ADK: variants seen among roughly 807,000 people sequenced by gnomAD.
The protein encoded by ADK is N6,N6-dimethyladenosine kinase.
In ADK, 24 loss-of-function variants were observed where a neutral mutation model predicts 44.7. The ratio of observed to expected loss-of-function variants is 0.54; its 90% CI spans 0.39 to 0.76. The LOEUF (loss-of-function observed/expected upper bound fraction) is 0.76. Among genes scored for constraint, ADK ranks in the 30% least tolerant of loss-of-function variants. The pLI is 0.00. For synonymous variants in ADK, 128 were observed against 142.6 expected (o/e 0.90, Z 0.73); for missense variants, 321 against 425.1 (o/e 0.76, Z 2.15).
chr10:74,694,188 A>ATTTTTTTTTTTTTT (rs1856093057), intron 10 of ADK, among the ~76,000 whole-genome samples: 1 of 107,790 alleles, frequency 9.3e-6, no homozygotes, highest in African/African-American at 3.3e-5. Flanking sequence ...TTGACTAAAC[A>ATTTTTTTTTTTTTT]TGTTTCTAAA....
chr10:74,183,203 G>A (rs1842626496), intron 1 of ADK, among the ~76,000 whole-genome samples: 1 of 152,158 alleles, frequency 6.6e-6, no homozygotes, highest in African/African-American at 2.4e-5. Context: ...ACAAAGTGCT[G>A]GGCCTCCCAA....
chr10:74,356,002 A>ATATTG (rs57958159), intron 4 of ADK, among the ~76,000 whole-genome samples: 1,212 of 83,366 alleles, frequency 0.015, 142 homozygotes, highest in African/African-American at 0.053. Context: ...TAAATAATTC[A>ATATTG]TTTTTTTTTT....
At chr10:74,310,134 G>A (rs1162462544) in intron 3 of ADK, among the ~76,000 whole-genome samples, 1 of 152,040 alleles carries the variant, frequency 6.6e-6, no homozygotes, top group Non-Finnish European at 1.5e-5. Context: ...TGATTGAGGT[G>A]TTTATATGGC....
rs1841516996 is a variant in ADK at position 74,339,491 on chromosome 10, A to T, written c.273+24746A>T. ...TCCTTCACTTTACCAATTTGTGCCC[A>T]TTTCACGTATCTCAGCCTATATCCC... On this transcript the variant is annotated intron_variant, in intron 4 of 10. Coordinates refer to ENST00000539909, the MANE Select transcript of ADK (RefSeq NM_006721.4). Among the ~76,000 whole-genome samples, 3 of 152,146 alleles carry T rather than the reference A, an allele frequency of 2.0e-5. No homozygotes were observed. In the South Asian group the frequency reaches 6.2e-4, roughly 31 times the overall value.
chr10:74,472,931 C>T (rs1475589652), intron 6 of ADK, among the ~76,000 whole-genome samples: 3 of 152,056 alleles, frequency 2.0e-5, no homozygotes, highest in Non-Finnish European at 4.4e-5. Context: ...ATTGATATCT[C>T]ATTGTGGCTA....
intron 8 of ADK, among the ~76,000 whole-genome samples, chr10:74,596,772 C>T (rs1427522152): frequency 1.3e-5 from 2 of 152,148 alleles, no homozygotes; most frequent in African/African-American, 4.8e-5. Flanking sequence ...GTCTCAAACT[C>T]CTAGGCTCAA....
chr10:74,445,347 A>G (rs569726780), intron 6 of ADK, among the ~76,000 whole-genome samples: 1 of 152,092 alleles, frequency 6.6e-6, no homozygotes, highest in Non-Finnish European at 1.5e-5. Flanking sequence ...CTTATTATTC[A>G]TTCCTCAAAT....
At position 74,525,243 on chromosome 10, in the gene ADK, T is replaced by G; in HGVS notation, c.556-13T>G. 1 of 1,613,388 alleles carries G rather than the reference T, an allele frequency of 6.2e-7. No individual in the cohort carries two copies. Among genetic ancestry groups the G allele is most frequent in the East Asian group, 2.2e-5 (1 of 44,792 alleles). On this transcript the variant is annotated splice_polypyrimidine_tract_variant and intron_variant, in intron 6 of 10. Coordinates refer to ENST00000539909, the MANE Select transcript of ADK (RefSeq NM_006721.4). ...TGGTATTTCTAATTTTCCCTCCTTT[T>G]TTCTTCATCCAGGGCTTTTTTCTTA...
chr10:74,289,826 A>G (rs1847336230), intron 3 of ADK, among the ~76,000 whole-genome samples: 1 of 107,862 alleles, frequency 9.3e-6, no homozygotes, highest in African/African-American at 3.0e-5. Flanking sequence ...TTTCTTTTTT[A>G]GTGGGCCAAA....
intron 6 of ADK, among the ~76,000 whole-genome samples, chr10:74,435,753 T>G (rs1419371606): frequency 1.3e-5 from 2 of 152,058 alleles, no homozygotes; most frequent in Non-Finnish European, 2.9e-5. Flanking sequence ...CAGAAGGTAA[T>G]GAGATAACAT....
chr10:74,410,681 A>AAAAC (rs574905509), intron 6 of ADK, among the ~76,000 whole-genome samples: 449 of 152,276 alleles, frequency 2.9e-3, no homozygotes, highest in African/African-American at 5.2e-3. Flanking sequence ...ACTCTGTCTG[A>AAAAC]AAACAAACAA....
rs553173647 is a variant in ADK, at chr10:74,168,463, C to T, written c.65+17120C>T. Among the ~76,000 whole-genome samples, 8 of 147,280 alleles carry T rather than the reference C, an allele frequency of 5.4e-5. 1 individual carries two copies. The highest frequency in any genetic ancestry group is 2.1e-4 in the South Asian group (1 of 4,660). ...CTGAGGCAGGAGAATGGCATGAACCCGGGAGGCGGAGCTTGCAGTGAGCCG... is the reference window on the plus strand; with the variant it reads ...CTGAGGCAGGAGAATGGCATGAACCTGGGAGGCGGAGCTTGCAGTGAGCCG... On this transcript the variant is annotated intron_variant, in intron 1 of 10. Coordinates refer to ENST00000539909, the MANE Select transcript of ADK (RefSeq NM_006721.4).
intron 7 of ADK, among the ~76,000 whole-genome samples, chr10:74,585,453 G>A (rs1564805720): frequency 6.6e-6 from 1 of 152,150 alleles, no homozygotes; most frequent in Non-Finnish European, 1.5e-5. Flanking sequence ...GAGTAATAGT[G>A]AAAGTTATCA....
chr10:74,417,756 A>C (rs1844422565), intron 6 of ADK, among the ~76,000 whole-genome samples: 1 of 152,026 alleles, frequency 6.6e-6, no homozygotes, highest in Admixed American at 6.6e-5. Context: ...ACTTTAAAAA[A>C]AAAAAAAGCA....
chr10:74,618,158 T>A (rs1852848007), intron 9 of ADK, among the ~76,000 whole-genome samples: 1 of 151,950 alleles, frequency 6.6e-6, no homozygotes, highest in African/African-American at 2.4e-5. Flanking sequence ...TTAATCAGCC[T>A]GTTTATATTT....
chr10:74,172,918 A>C (rs1842208977), intron 1 of ADK, among the ~76,000 whole-genome samples: 1 of 151,810 alleles, frequency 6.6e-6, no homozygotes, highest in East Asian at 1.9e-4. Context: ...AAAAAAAAAA[A>C]AACGGTTAGA....
chr10:74,234,534 A>G (rs1844890773), intron 3 of ADK, among the ~76,000 whole-genome samples: 1 of 152,198 alleles, frequency 6.6e-6, no homozygotes, highest in African/African-American at 2.4e-5. Flanking sequence ...AAAAGTATTT[A>G]AAGGTATTTT....
chr10:74,311,184 A>G (rs185366729), intron 3 of ADK, among the ~76,000 whole-genome samples: 49 of 152,316 alleles, frequency 3.2e-4, no homozygotes, highest in African/African-American at 1.1e-3. Context: ...TTGTTTACAC[A>G]AAAAGATTAC....
intron 10 of ADK, among the ~76,000 whole-genome samples, chr10:74,702,945 G>GA (rs1856486497): frequency 6.6e-6 from 1 of 151,966 alleles, no homozygotes. Context: ...AGATGCAAGG[G>GA]AAAAAATAGG....
Sources: allele counts gnomAD v4.1 joint callset (sites outside exome capture counted in the v4.1 genomes callset), GRCh38; gene constraint gnomAD v4.1.1; transcripts MANE v1.5; gene names NCBI Gene and HGNC (gene_info 2026-07-23, HGNC 2026-07-21).